Variants in SYN3 observed in about 807,000 individuals in gnomAD.
SYN3 encodes synapsin III, also known as synapsin-3.
A neutral mutation model predicts 65.8 loss-of-function variants in SYN3; 35 were observed. The ratio of observed to expected loss-of-function variants is 0.53; its 90% CI spans 0.41 to 0.70. The LOEUF (loss-of-function observed/expected upper bound fraction) is 0.70, where lower values mean the gene tolerates loss of function less well. Ranked by LOEUF, SYN3 falls within the 30% of genes least tolerant of loss-of-function variation. The probability of loss-of-function intolerance (pLI) is 0.00; values close to 1 mark genes in which losing one functional copy is unlikely to be tolerated. For missense variants in SYN3, 680 were observed against 749.0 expected (o/e 0.91, Z 1.08); for synonymous variants, 270 against 292.9 (o/e 0.92, Z 0.80).
At chr22:32,556,385 C>G (rs2058496139) in intron 7 of SYN3, among the ~76,000 whole-genome samples, 2 of 152,134 alleles carry the variant, frequency 1.3e-5, no homozygotes, top group Admixed American at 1.3e-4. Context: ...TAGTTTTTGG[C>G]ACAACCACCA....
In SYN3 at chr22:32,841,632, T is replaced by C. The variant is rs116960929; in HGVS notation, c.711+23283A>G. 1.5e-4 allele frequency among the ~76,000 whole-genome samples: 23 copies of C among 151,376 alleles called. No individual in the cohort carries two copies. In the East Asian group the frequency reaches 4.5e-3, roughly 30 times the overall value. On this transcript the variant is annotated intron_variant, in intron 6 of 13. Transcript: ENST00000358763. The stretch of plus-strand genomic sequence containing the variant: ...TAGACTAAATGTAGACTCTGGGATA[T>C]ATAAGTAAAAAGATCATCAGGGAGG...
chr22:32,956,498 T>C (rs1271566385), intron 3 of SYN3, among the ~76,000 whole-genome samples: 2 of 152,200 alleles, frequency 1.3e-5, no homozygotes, highest in Non-Finnish European at 1.5e-5. Context: ...TAGATTTGAC[T>C]ACTCTAGGTA....
At position 32,818,983 on chromosome 22, in the gene SYN3, C is replaced by G. The variant is rs557249757; in HGVS notation, c.711+45932G>C. On this transcript the variant is annotated intron_variant, in intron 6 of 13. Coordinates refer to ENST00000358763, the MANE Select transcript of SYN3 (RefSeq NM_003490.4). ...ATAATTTCCTATTTCCTGCCTCCTC[C>G]TCCTCTGACACAGTTATAAATAACC... is the stretch of plus-strand genomic sequence containing the variant. 2.0e-5 allele frequency among the ~76,000 whole-genome samples: 3 copies of G among 152,322 alleles called. No homozygotes were observed. In the South Asian group the frequency reaches 6.2e-4, roughly 32 times the overall value.
At chr22:32,956,629 A>G (rs2051472036) in intron 3 of SYN3, among the ~76,000 whole-genome samples, 1 of 152,192 alleles carries the variant, frequency 6.6e-6, no homozygotes, top group Non-Finnish European at 1.5e-5. Flanking sequence ...TTTGAGGCTG[A>G]ATAATATTCT....
intron 6 of SYN3, among the ~76,000 whole-genome samples, chr22:32,712,914 A>G (rs1334258488): frequency 6.6e-5 from 10 of 152,164 alleles, no homozygotes; most frequent in Admixed American, 6.5e-4. Context: ...CTTGGCCTCT[A>G]TCACTTCCAC....
chr22:32,929,818 T>A (rs10483167), intron 4 of SYN3, among the ~76,000 whole-genome samples: 3 of 151,974 alleles, frequency 2.0e-5, no homozygotes, highest in Non-Finnish European at 4.4e-5. Context: ...CACTAAGCTC[T>A]CAAAACCAGT....
At chr22:32,553,926 T>TTACATGGGGGAGCA (rs1190817050) in intron 7 of SYN3, among the ~76,000 whole-genome samples, 3 of 152,160 alleles carry the variant, frequency 2.0e-5, no homozygotes, top group African/African-American at 7.2e-5. Context: ...CTTAAAAATC[T>TTACATGGGGGAGCA]TACATGGGGG....
chr22:32,569,537 ATCTC>A (rs142418236), intron 7 of SYN3, among the ~76,000 whole-genome samples: 8,198 of 113,188 alleles, frequency 0.072, 311 homozygotes, highest in Middle Eastern at 0.1. Context: ...AAATCAATCA[ATCTC>A]TCTCTCTCTC....
At chr22:32,785,561 C>T (rs181572047) in intron 6 of SYN3, among the ~76,000 whole-genome samples, 1 of 152,316 alleles carries the variant, frequency 6.6e-6, no homozygotes, top group Non-Finnish European at 1.5e-5. Flanking sequence ...ATTTCAAATG[C>T]TCGTGCATCC....
chr22:32,673,505 G>A (rs2060400323), intron 6 of SYN3, among the ~76,000 whole-genome samples: 1 of 152,236 alleles, frequency 6.6e-6, no homozygotes, highest in South Asian at 2.1e-4. Context: ...AGCTCACTGT[G>A]TACTAGGGAA....
At chr22:33,052,556 G>A (rs2054186703) in intron 1 of SYN3, among the ~76,000 whole-genome samples, 1 of 150,386 alleles carries the variant, frequency 6.6e-6, no homozygotes, top group Admixed American at 6.6e-5. Flanking sequence ...GGGCCCTGCT[G>A]TATACTCACA....
intron 3 of SYN3, among the ~76,000 whole-genome samples, chr22:32,957,373 C>T (rs2051497965): frequency 1.3e-5 from 2 of 152,178 alleles, no homozygotes; most frequent in African/African-American, 4.8e-5. Context: ...TGTGCTTCCA[C>T]AAGAAAATGA....
intron 4 of SYN3, among the ~76,000 whole-genome samples, chr22:32,913,221 CA>C (rs917065457): frequency 6.6e-6 from 1 of 151,052 alleles, no homozygotes; most frequent in African/African-American, 2.4e-5. Flanking sequence ...ACTGCAGTGG[CA>C]CAATCTCAGC....
chr22:32,849,398 C>A, intron 6 of SYN3: 1 of 1,536,682 alleles, frequency 6.5e-7, no homozygotes, highest in Non-Finnish European at 9.0e-7. Flanking sequence ...AGATGCTGTT[C>A]CTGATGTGGT....
Position 32,838,015 on chromosome 22 carries a change from G to A in SYN3, c.711+26900C>T, listed in dbSNP as rs115728931. On this transcript the variant is annotated intron_variant, in intron 6 of 13. Coordinates refer to ENST00000358763, the MANE Select transcript of SYN3 (RefSeq NM_003490.4). ...CAGCTCAGGCAGGATGTCTCCCTCCGGCGCCTCCAGGCTGGCTGGGTGTGT... is the reference window on the plus strand; with the variant it reads ...CAGCTCAGGCAGGATGTCTCCCTCCAGCGCCTCCAGGCTGGCTGGGTGTGT... 3.4e-3 allele frequency among the ~76,000 whole-genome samples: 516 copies of A among 152,252 alleles called. 5 individuals carry two copies. The highest frequency in any genetic ancestry group is 0.012 in the African/African-American group (492 of 41,536).
intron 3 of SYN3, among the ~76,000 whole-genome samples, chr22:32,977,608 G>GT (rs1181484636): frequency 1.3e-5 from 2 of 151,990 alleles, no homozygotes; most frequent in East Asian, 3.9e-4. Context: ...TCTGGGTGTG[G>GT]TGGCAGGTGC....
chr22:32,623,985 C>T (rs9619279), intron 6 of SYN3, among the ~76,000 whole-genome samples: 14,480 of 152,192 alleles, frequency 0.095, 1,634 homozygotes, highest in African/African-American at 0.27. Flanking sequence ...CCAAGGACAC[C>T]GCTGCCTCCC....
chr22:32,990,569 A>G (rs2052685204), intron 2 of SYN3, among the ~76,000 whole-genome samples: 1 of 152,120 alleles, frequency 6.6e-6, no homozygotes, highest in Admixed American at 6.6e-5. Flanking sequence ...AGGCCCTTGA[A>G]ATTGCACTGA....
chr22:32,523,298 G>A (rs2057918675), intron 12 of SYN3, among the ~76,000 whole-genome samples: 1 of 152,166 alleles, frequency 6.6e-6, no homozygotes, highest in Non-Finnish European at 1.5e-5. Flanking sequence ...GGATCACAAG[G>A]TCAGCAGATC....
Sources: allele counts gnomAD v4.1 joint callset (sites outside exome capture counted in the v4.1 genomes callset), GRCh38; gene constraint gnomAD v4.1.1; transcripts MANE v1.5; gene names NCBI Gene and HGNC (gene_info 2026-07-23, HGNC 2026-07-21).